GON4L: variants seen among roughly 807,000 people sequenced by gnomAD.
GON4L encodes the protein GON-4-like protein.
In GON4L, 87 loss-of-function variants were observed where a neutral mutation model predicts 211.8. The ratio of observed to expected loss-of-function variants is 0.41; its 90% confidence interval spans 0.35 to 0.49. The LOEUF is 0.49. GON4L is among the 20% of genes least tolerant of loss of function. The pLI, the probability that GON4L is intolerant of heterozygous loss-of-function variation, is 0.15. For synonymous variants in GON4L, 875 were observed against 962.6 expected (o/e 0.91, Z 1.68); for missense variants, 2,155 against 2,659.5 (o/e 0.81, Z 4.17).
intron 11 of GON4L, among the ~76,000 whole-genome samples, chr1:155,804,695 T>C (rs920113236): frequency 4.6e-5 from 7 of 151,744 alleles, no homozygotes; most frequent in African/African-American, 1.5e-4. Context: ...AGGGGTAGGA[T>C]TGCTTGAGCC....
At chr1:155,756,827 G>T in intron 27 of GON4L, 131 bp downstream of exon 27, 1 of 673,120 alleles carries the variant, frequency 1.5e-6, no homozygotes, top group South Asian at 1.8e-5. Flanking sequence ...TACTTGAGAG[G>T]CTGAGGTGGG....
intron 11 of GON4L, among the ~76,000 whole-genome samples, 166 bp downstream of exon 11, chr1:155,804,783 G>GAA (rs780720104): frequency 4.6e-5 from 6 of 131,778 alleles, no homozygotes; most frequent in South Asian, 4.9e-4. Context: ...CCTGTCTCAG[G>GAA]AAAAAAAAAA....
downstream of GON4L, chr1:155,745,745 C>A (rs555186265): frequency 7.7e-6 from 8 of 1,041,020 alleles, no homozygotes; most frequent in South Asian, 1.1e-4. Context: ...CAGTATAACA[C>A]CCGCCCACGC....
intron 24 of GON4L, among the ~76,000 whole-genome samples, chr1:155,759,522 C>T (rs1290637909): frequency 2.0e-5 from 3 of 151,298 alleles, no homozygotes; most frequent in Non-Finnish European, 2.9e-5. Context: ...TGCAGTGAGC[C>T]GAGATCACGC....
At chr1:155,748,201 G>GT (rs1296479787), downstream of GON4L, 21 of 1,444,944 alleles carry the variant, frequency 1.5e-5, no homozygotes, top group East Asian at 1.1e-4. Context: ...GTCGCTGTCT[G>GT]TACTGGCTCT....
intron 11 of GON4L, among the ~76,000 whole-genome samples, chr1:155,801,276 T>TG (rs1557876507): frequency 6.6e-6 from 1 of 152,058 alleles, no homozygotes; most frequent in Admixed American, 6.6e-5. Flanking sequence ...CATTTTTTTC[T>TG]GGGGGAAGGC....
intron 17 of GON4L, among the ~76,000 whole-genome samples, chr1:155,773,927 T>C (rs1201186092): frequency 1.3e-5 from 2 of 152,212 alleles, no homozygotes; most frequent in African/African-American, 4.8e-5. Flanking sequence ...CCATTTCATA[T>C]CATTTAATAT....
chr1:155,796,107 A>C (rs1272464904), intron 11 of GON4L, among the ~76,000 whole-genome samples: 1 of 152,160 alleles, frequency 6.6e-6, no homozygotes, highest in African/African-American at 2.4e-5. Context: ...CCATTCTATA[A>C]AAGTTCAATA....
At chr1:155,795,008 C>T (rs746873477) in intron 12 of GON4L, 42 bp downstream of exon 12, 5 of 1,090,776 alleles carry the variant, frequency 4.6e-6, no homozygotes, top group African/African-American at 1.5e-5. Context: ...AAGACAGCTG[C>T]AAAGCAGTCA....
intron 11 of GON4L, among the ~76,000 whole-genome samples, chr1:155,803,241 C>CTATTTCTT (rs1359537149): frequency 1.3e-5 from 2 of 150,458 alleles, no homozygotes. Flanking sequence ...CAGTCTATTT[C>CTATTTCTT]TTTTTCTTTT....
chr1:155,843,718 G>A (rs114030644), intron 2 of GON4L, among the ~76,000 whole-genome samples: 1,654 of 152,286 alleles, frequency 0.011, 10 homozygotes, highest in Middle Eastern at 0.027. Context: ...ACATGCAAGG[G>A]AGAAACGACT....
chr1:155,793,548 C>A (rs990962448), intron 12 of GON4L, among the ~76,000 whole-genome samples: 8 of 152,238 alleles, frequency 5.3e-5, no homozygotes, highest in African/African-American at 1.9e-4. Context: ...TTTTCTTTCT[C>A]CCCATAGGTA....
In GON4L at chr1:155,819,553, G is replaced by A. The variant is rs550959355; in HGVS notation, c.1014+1053C>T. 1.7e-3 allele frequency among the ~76,000 whole-genome samples: 260 copies of A among 152,130 alleles called. 7 individuals carry two copies. The South Asian group carries it at 0.053, about 31-fold the overall frequency. The stretch of plus-strand genomic sequence containing the variant: ...TTACAGGCATGAGCCACCAAGCCCA[G>A]CCTAGACCTGTTTCTTCTATCAGTC... On this transcript the variant is annotated intron_variant, in intron 6 of 31. Transcript: ENST00000368331.
intron 11 of GON4L, 152 bp downstream of exon 11, chr1:155,804,797 G>T: frequency 4.7e-6 from 3 of 634,868 alleles, no homozygotes; most frequent in Non-Finnish European, 5.5e-6. Context: ...AAAAAAAAAA[G>T]AAAAATTAAC....
At chr1:155,790,127 T>A (rs984651880) in intron 12 of GON4L, among the ~76,000 whole-genome samples, 2 of 151,786 alleles carry the variant, frequency 1.3e-5, no homozygotes, top group African/African-American at 4.8e-5. Flanking sequence ...TGAGACAGCG[T>A]CTCACTCTGT....
intron 11 of GON4L, among the ~76,000 whole-genome samples, chr1:155,802,578 T>C (rs564393886): frequency 5.9e-5 from 9 of 152,318 alleles, no homozygotes; most frequent in African/African-American, 1.9e-4. Flanking sequence ...TAAACAAAAG[T>C]TACCCTGTCC....
At chr1:155,766,995 G>A (rs1230615273) in intron 20 of GON4L, 8 of 548,084 alleles carry the variant, frequency 1.5e-5, no homozygotes, top group African/African-American at 5.7e-5. Context: ...GCGAGAAGCC[G>A]AGATCGCACC....
chr1:155,812,575 G>A (rs822011), intron 10 of GON4L, among the ~76,000 whole-genome samples: 140,813 of 150,332 alleles, frequency 0.94, 66,674 homozygotes, highest in East Asian at 1. Context: ...TTTTTTTTTG[G>A]GACAGAGTCT....
chr1:155,745,118 C>T (rs953079724), downstream of GON4L, among the ~76,000 whole-genome samples: 4 of 152,178 alleles, frequency 2.6e-5, no homozygotes, highest in African/African-American at 9.7e-5. Flanking sequence ...AAGCTATTAT[C>T]AGCAGAATAT....
Sources: allele counts gnomAD v4.1 joint callset (sites outside exome capture counted in the v4.1 genomes callset), GRCh38; gene constraint gnomAD v4.1.1; transcripts MANE v1.5; gene names NCBI Gene and HGNC (gene_info 2026-07-23, HGNC 2026-07-21).